PDE1C: variants seen among roughly 807,000 people sequenced by gnomAD.
PDE1C encodes the protein phosphodiesterase 1C.
A neutral mutation model predicts 93.1 loss-of-function variants in PDE1C; 62 were observed. The observed-to-expected ratio is 0.67, with a 90% confidence interval of 0.54 to 0.82. The LOEUF (loss-of-function observed/expected upper bound fraction) is 0.82. PDE1C is among the 40% of genes least tolerant of loss of function. The pLI, the probability that PDE1C is intolerant of heterozygous loss-of-function variation, is 0.00. For missense variants in PDE1C, 742 were observed against 884.6 expected (o/e 0.84, Z 2.04); for synonymous variants, 325 against 310.1 (o/e 1.05, Z -0.50).
chr7:31,627,508 A>G, the PDE1C span, among the ~76,000 whole-genome samples: 1 of 152,160 alleles, frequency 6.6e-6, no homozygotes, highest in Non-Finnish European at 1.5e-5. Context: ...AAAATAAAAA[A>G]TTAGTCCAAT....
the PDE1C span, among the ~76,000 whole-genome samples, chr7:31,694,008 T>A: frequency 6.6e-6 from 1 of 152,232 alleles, no homozygotes; most frequent in East Asian, 1.9e-4. Flanking sequence ...ACGGAATAGT[T>A]TCTTATACAA....
At chr7:31,738,608 A>C in the PDE1C span, among the ~76,000 whole-genome samples, 8 of 152,114 alleles carry the variant, frequency 5.3e-5, no homozygotes, top group African/African-American at 1.7e-4. Context: ...CAGCTAGGAG[A>C]GGCATTTCTG....
chr7:31,739,531 C>T, the PDE1C span, among the ~76,000 whole-genome samples: 96,868 of 151,988 alleles, frequency 0.64, 33,791 homozygotes, highest in Non-Finnish European at 0.79. Context: ...GTAATCATTC[C>T]GGCTGCTAGG....
At chr7:31,738,559 C>T in the PDE1C span, among the ~76,000 whole-genome samples, 1 of 152,190 alleles carries the variant, frequency 6.6e-6, no homozygotes, top group African/African-American at 2.4e-5. Flanking sequence ...GGTGAAGACA[C>T]TGCCAAGCCA....
At chr7:32,411,793 G>C (rs540427611) in intron 1 of PDE1C, among the ~76,000 whole-genome samples, 1 of 151,550 alleles carries the variant, frequency 6.6e-6, no homozygotes, top group Non-Finnish European at 1.5e-5. Flanking sequence ...GTAATAACAC[G>C]TAGCTTAAAA....
chr7:32,403,559 A>T (rs1784992929), intron 1 of PDE1C, among the ~76,000 whole-genome samples: 1 of 152,144 alleles, frequency 6.6e-6, no homozygotes, highest in African/African-American at 2.4e-5. Flanking sequence ...TTAATCTTTC[A>T]AGGAGACCTG....
At chr7:32,255,746 G>C (rs1012379249) in intron 1 of PDE1C, among the ~76,000 whole-genome samples, 2 of 152,204 alleles carry the variant, frequency 1.3e-5, no homozygotes, top group African/African-American at 4.8e-5. Context: ...GAAAAGTACA[G>C]AGGCAGAACA....
At chr7:32,068,400 AAAG>A (rs80277962) in intron 1 of PDE1C, among the ~76,000 whole-genome samples, 76 of 152,192 alleles carry the variant, frequency 5.0e-4, no homozygotes, top group African/African-American at 1.3e-3. Flanking sequence ...TTATGTTTAA[AAAG>A]AAGAAGAAGA....
At chr7:32,424,443 C>T (rs1785490699) in intron 1 of PDE1C, among the ~76,000 whole-genome samples, 1 of 152,186 alleles carries the variant, frequency 6.6e-6, no homozygotes, top group Non-Finnish European at 1.5e-5. Context: ...CCCTTGGTTC[C>T]TCTGACCATA....
At chr7:32,283,190 C>T (rs147734652) in intron 1 of PDE1C, among the ~76,000 whole-genome samples, 111 of 152,162 alleles carry the variant, frequency 7.3e-4, no homozygotes, top group Non-Finnish European at 6.6e-4. Context: ...CTAAATCAAT[C>T]GTGATACCTT....
the PDE1C span, among the ~76,000 whole-genome samples, chr7:31,698,514 A>G: frequency 1.3e-5 from 2 of 152,202 alleles, no homozygotes; most frequent in African/African-American, 2.4e-5. Context: ...CAGCTTTTCT[A>G]AGCACTGACT....
At chr7:31,764,380 G>A (rs922301494) in intron 17 of PDE1C, among the ~76,000 whole-genome samples, 5 of 151,990 alleles carry the variant, frequency 3.3e-5, no homozygotes, top group Admixed American at 6.6e-5. Context: ...TCCTGACCGC[G>A]GTGATCCAAA....
At chr7:32,364,408 G>A (rs1267888874) in intron 1 of PDE1C, among the ~76,000 whole-genome samples, 1 of 152,186 alleles carries the variant, frequency 6.6e-6, no homozygotes, top group Non-Finnish European at 1.5e-5. Flanking sequence ...GGAAGTCCAG[G>A]AGGGCAGCGT....
At chr7:32,263,756 C>T (rs1026141414) in intron 1 of PDE1C, among the ~76,000 whole-genome samples, 4 of 152,108 alleles carry the variant, frequency 2.6e-5, no homozygotes, top group Non-Finnish European at 5.9e-5. Context: ...ACACCCTCCC[C>T]CCAACACTTT....
chr7:31,750,510 A>G (rs1794099593), downstream of PDE1C, among the ~76,000 whole-genome samples: 1 of 152,240 alleles, frequency 6.6e-6, no homozygotes, highest in Non-Finnish European at 1.5e-5. Context: ...CTCTCTGTCC[A>G]AGAAATAATA....
chr7:31,697,098 C>A, the PDE1C span: 2 of 1,614,060 alleles, frequency 1.2e-6, no homozygotes, highest in Non-Finnish European at 1.7e-6. Context: ...CTGCCCTGCA[C>A]ATGTCCCCCT....
intron 2 of PDE1C, among the ~76,000 whole-genome samples, chr7:31,954,813 G>A (rs1187896145): frequency 5.3e-5 from 8 of 152,250 alleles, no homozygotes; most frequent in East Asian, 1.9e-4. Context: ...GACAAAAACC[G>A]CAATCATTTT....
chr7:31,733,276 G>T, the PDE1C span, among the ~76,000 whole-genome samples: 2 of 152,162 alleles, frequency 1.3e-5, no homozygotes, highest in African/African-American at 2.4e-5. Flanking sequence ...TCTAATCTTT[G>T]ATTATGGCTT....
chr7:32,096,210 C>A (rs1372394167), intron 3 of PDE1C, among the ~76,000 whole-genome samples: 3 of 152,140 alleles, frequency 2.0e-5, no homozygotes, highest in African/African-American at 7.2e-5. Context: ...TTGATGTGCT[C>A]CCAGTATAAC....
Sources: allele counts gnomAD v4.1 joint callset (sites outside exome capture counted in the v4.1 genomes callset), GRCh38; gene constraint gnomAD v4.1.1; transcripts MANE v1.5; gene names NCBI Gene and HGNC (gene_info 2026-07-23, HGNC 2026-07-21).